Variants in CSMD1 observed in about 807,000 individuals in gnomAD.
CSMD1 encodes CUB and Sushi multiple domains 1.
In CSMD1, 213 loss-of-function variants were observed where a neutral mutation model predicts 417.5. The ratio of observed to expected loss-of-function variants is 0.51; its 90% confidence interval spans 0.46 to 0.57. CSMD1 has a LOEUF of 0.57. Ranked by LOEUF, CSMD1 falls within the 20% of genes least tolerant of loss-of-function variation. The probability of loss-of-function intolerance (pLI) is 0.00; values close to 1 mark genes in which losing one functional copy is unlikely to be tolerated. For synonymous variants in CSMD1, 2,862 were observed against 1,736.8 expected, an observed-to-expected ratio of 1.65 and a Z score of -16.11; for missense variants, 6,923 against 4,529.7, an observed-to-expected ratio of 1.53 and a Z score of -15.17.
Position 3,016,963 on chromosome 8 carries a change from A to T in CSMD1, c.8029+1514T>A, listed in dbSNP as rs1278572851. Among the ~76,000 whole-genome samples, 4 of 152,220 alleles carry T rather than the reference A, an allele frequency of 2.6e-5. No homozygotes were observed. The South Asian group carries it at 8.3e-4, about 32-fold the overall frequency. On this transcript the variant is annotated intron_variant, in intron 52 of 69. Coordinates refer to ENST00000635120, the MANE Select transcript of CSMD1 (RefSeq NM_033225.6). Reference sequence around the variant, plus strand: ...ATAGATAAAGGCTTATCAGGGATCAATAATCCCCAAGCTGACCCATCATTT... The same window carrying T: ...ATAGATAAAGGCTTATCAGGGATCATTAATCCCCAAGCTGACCCATCATTT...
intron 1 of CSMD1, among the ~76,000 whole-genome samples, chr8:4,782,950 C>CAAA (rs11378248): frequency 0.093 from 11,934 of 127,648 alleles, 584 homozygotes; most frequent in East Asian, 0.29. Context: ...TAAAGACACT[C>CAAA]AAAAAAAAAA....
intron 12 of CSMD1, among the ~76,000 whole-genome samples, chr8:3,413,049 C>T (rs1395471969): frequency 6.6e-6 from 1 of 152,184 alleles, no homozygotes; most frequent in Non-Finnish European, 1.5e-5. Context: ...TTAGTCTCAT[C>T]AAGCCTCAGT....
At chr8:3,055,913 G>A (rs1812186730) in intron 49 of CSMD1, among the ~76,000 whole-genome samples, 1 of 152,168 alleles carries the variant, frequency 6.6e-6, no homozygotes, top group South Asian at 2.1e-4. Flanking sequence ...TAAGACCTAT[G>A]TCAAAAGGTA....
At chr8:3,362,842 T>C (rs1184417575) in intron 20 of CSMD1, among the ~76,000 whole-genome samples, 1 of 152,158 alleles carries the variant, frequency 6.6e-6, no homozygotes, top group Non-Finnish European at 1.5e-5. Context: ...ATCCTTCCTG[T>C]AGTCTCAGCT....
chr8:3,118,467 C>T lies in CSMD1; in HGVS notation c.6362G>A (p.Gly2121Asp). 1 of 1,613,814 alleles carries T rather than the reference C, an allele frequency of 6.2e-7. No homozygotes were observed. The highest frequency in any genetic ancestry group is 8.5e-7 in the Non-Finnish European group (1 of 1,179,786). Reference sequence around the variant, plus strand: ...ATGCTGACAAGTGAGGACAGGATGGCCTATTAGAATGTACCCAGGATAACA... The same window carrying T: ...ATGCTGACAAGTGAGGACAGGATGGTCTATTAGAATGTACCCAGGATAACA... ...FECYPGYILIGHPVLTCQHGI... is the reference protein window; with the variant it reads ...FECYPGYILIDHPVLTCQHGI... The change falls in exon 42 of 70, where the codon GGC (glycine) becomes GAC (aspartate). Residue 2121 changes from glycine to aspartate, a missense_variant. Physicochemically the swap from Gly to Asp is moderately conservative, Grantham distance 94. Coordinates refer to ENST00000635120, the MANE Select transcript of CSMD1 (RefSeq NM_033225.6).
At chr8:4,385,798 A>T (rs1034216710) in intron 3 of CSMD1, among the ~76,000 whole-genome samples, 13 of 152,162 alleles carry the variant, frequency 8.5e-5, no homozygotes, top group Non-Finnish European at 1.6e-4. Context: ...GTAGAGTGTT[A>T]ATGTCTCATA....
intron 33 of CSMD1, among the ~76,000 whole-genome samples, chr8:3,196,195 G>A (rs979018409): frequency 6.6e-6 from 1 of 152,078 alleles, no homozygotes; most frequent in Non-Finnish European, 1.5e-5. Flanking sequence ...CCACCAGCAC[G>A]ATGACAGTTT....
At position 3,898,278 on chromosome 8, in the gene CSMD1, C is replaced by CA. The variant is rs201141423; in HGVS notation, c.818+99624dup. 1.5e-3 allele frequency among the ~76,000 whole-genome samples: 233 copies of CA among 151,532 alleles called. 1 individual carries two copies. Among genetic ancestry groups the CA allele is most frequent in the East Asian group, 5.4e-3 (28 of 5,160 alleles). ...CTACTGCAAGAAGCATGAATACAAC[C>CA]AAAAAAAACCCAACATTTGAACAAT... is the stretch of plus-strand genomic sequence containing the variant. On this transcript the variant is annotated intron_variant, in intron 5 of 69. Coordinates refer to ENST00000635120, the MANE Select transcript of CSMD1 (RefSeq NM_033225.6).
At position 4,233,607 on chromosome 8, in the gene CSMD1, C is replaced by T. The variant is rs1016666433; in HGVS notation, c.415+186346G>A. Among the ~76,000 whole-genome samples the T allele has an allele frequency of 3.3e-5, 5 of 152,120 alleles. 1 individual carries two copies. The highest frequency in any genetic ancestry group is 4.1e-4 in the South Asian group (2 of 4,822). On this transcript the variant is annotated intron_variant, in intron 3 of 69. Coordinates refer to ENST00000635120, the MANE Select transcript of CSMD1 (RefSeq NM_033225.6). Reference sequence around the variant, plus strand: ...TATGAACCAGGAAATGATCCCCAACCAGGACACCTTGATCTTGGACTGCCC... The same window carrying T: ...TATGAACCAGGAAATGATCCCCAACTAGGACACCTTGATCTTGGACTGCCC...
At chr8:4,699,884 C>T (rs552464766) in intron 1 of CSMD1, among the ~76,000 whole-genome samples, 34 of 152,292 alleles carry the variant, frequency 2.2e-4, no homozygotes, top group Middle Eastern at 6.8e-3. Flanking sequence ...CAAAGTTTTT[C>T]AGATATAATG....
chr8:4,024,692 G>A (rs1442703259), intron 4 of CSMD1, among the ~76,000 whole-genome samples: 2 of 152,078 alleles, frequency 1.3e-5, no homozygotes, highest in African/African-American at 2.4e-5. Context: ...TGTGACTTGT[G>A]GATACCTTCC....
chr8:3,556,415 T>TATATATATATATATATATACACACACATA (rs1799148435), intron 10 of CSMD1, among the ~76,000 whole-genome samples: 1 of 57,102 alleles, frequency 1.8e-5, no homozygotes, highest in African/African-American at 6.2e-5. Flanking sequence ...ATATATATAT[T>TATATATATATATATATATACACACACATA]CACACACACA....
At chr8:4,974,283 C>G (rs1486507486) in intron 1 of CSMD1, among the ~76,000 whole-genome samples, 2 of 152,016 alleles carry the variant, frequency 1.3e-5, no homozygotes, top group East Asian at 3.9e-4. Flanking sequence ...GTCTCCACCT[C>G]CCAAAGTGCT....
At chr8:4,907,424 G>A (rs1053789529) in intron 1 of CSMD1, among the ~76,000 whole-genome samples, 4 of 152,024 alleles carry the variant, frequency 2.6e-5, no homozygotes, top group African/African-American at 9.7e-5. Flanking sequence ...AGGACATTGG[G>A]CAAAATACAT....
At chr8:4,153,850 T>C (rs1199059455) in intron 3 of CSMD1, among the ~76,000 whole-genome samples, 1 of 152,230 alleles carries the variant, frequency 6.6e-6, no homozygotes, top group African/African-American at 2.4e-5. Context: ...GTGGTGACCG[T>C]AGCTATGTGG....
At chr8:4,661,833 C>G (rs1009567295) in intron 1 of CSMD1, among the ~76,000 whole-genome samples, 5 of 152,108 alleles carry the variant, frequency 3.3e-5, no homozygotes. Flanking sequence ...TCCTAGGTAA[C>G]AGAAGTTGTA....
At chr8:4,902,473 C>T (rs944888886) in intron 1 of CSMD1, among the ~76,000 whole-genome samples, 1 of 151,548 alleles carries the variant, frequency 6.6e-6, no homozygotes, top group African/African-American at 2.4e-5. Flanking sequence ...ATAATCTTTT[C>T]AGGAATAAAT....
At chr8:3,747,835 C>T (rs1185759739) in intron 6 of CSMD1, among the ~76,000 whole-genome samples, 1 of 152,088 alleles carries the variant, frequency 6.6e-6, no homozygotes, top group Admixed American at 6.6e-5. Context: ...TGTGGAATTT[C>T]AAGCTGTTTG....
rs975655615 is a variant in CSMD1, at chr8:4,510,422, A to G, written c.303-90357T>C. The stretch of plus-strand genomic sequence containing the variant: ...AAAAAAAAAAAAAAAAAAAAAAAAA[A>G]GCAAATACTTTGTTCCAAACATACG... On this transcript the variant is annotated intron_variant, in intron 2 of 69. Coordinates refer to ENST00000635120, the MANE Select transcript of CSMD1 (RefSeq NM_033225.6). 6.8e-5 allele frequency among the ~76,000 whole-genome samples: 7 copies of G among 102,230 alleles called. No individual in the cohort carries two copies. The East Asian group carries it at 1.9e-3, about 28-fold the overall frequency. The allele number at this position is 102,230 out of a possible 152,430, so 67.1% of individuals were successfully genotyped here.
Sources: allele counts gnomAD v4.1 joint callset (sites outside exome capture counted in the v4.1 genomes callset), GRCh38; gene constraint gnomAD v4.1.1; transcripts MANE v1.5; gene names NCBI Gene and HGNC (gene_info 2026-07-23, HGNC 2026-07-21).